GALNT2: variants seen among roughly 807,000 people sequenced by gnomAD.
The protein encoded by GALNT2 is UDP-GalNAc:polypeptide N-acetylgalactosaminyltransferase 2.
A neutral mutation model predicts 81.4 loss-of-function variants in GALNT2; 31 were observed. The ratio of observed to expected loss-of-function variants is 0.38; its 90% CI spans 0.29 to 0.51. The LOEUF is 0.51. Ranked by LOEUF, GALNT2 falls within the 20% of genes least tolerant of loss-of-function variation. The pLI is 0.87. For synonymous variants in GALNT2, 303 were observed against 287.4 expected (o/e 1.05, Z -0.55); for missense variants, 629 against 765.7 (o/e 0.82, Z 2.11).
chr1:230,249,452 G>T (rs914173879), intron 9 of GALNT2, among the ~76,000 whole-genome samples, 181 bp downstream of exon 9: 2 of 152,224 alleles, frequency 1.3e-5, no homozygotes, highest in African/African-American at 4.8e-5. Context: ...AATCCTTGGA[G>T]ATTTCTTTTC....
rs2102782276 is a variant in GALNT2 at position 230,275,159 on chromosome 1, T to C, written c.1560+595T>C. Among the ~76,000 whole-genome samples the C allele has an allele frequency of 6.6e-6, 1 of 151,436 alleles. No individual in the cohort carries two copies. The highest frequency in any genetic ancestry group is 2.1e-4 in the South Asian group (1 of 4,812). On this transcript the variant is annotated intron_variant, in intron 15 of 15. Transcript: ENST00000366672. This position sits in a 1 kb window ranked among gnomAD's most constrained non-coding sequence, Gnocchi z 5.5. ...CACATATACATATATACACACCACA[T>C]ATACATATACCTGCCACATATATAC...
rs1042310980 is a variant in GALNT2, at chr1:230,280,156, C to T, written c.*698C>T. The T allele has an allele frequency of 2.9e-5, 11 of 378,066 alleles. No homozygotes were observed. The highest frequency in any genetic ancestry group is 6.3e-5 in the African/African-American group (3 of 47,730). 23.4% of individuals were successfully genotyped at this position (378,066 alleles called of 1,614,324 possible). ...TCCCCACAAAGCCGTTCGCAGCTTC[C>T]GGGAGAAGGGGCCAGAGCCCGGTGG... On this transcript the variant is annotated 3_prime_UTR_variant, in exon 16 of 16. Coordinates refer to ENST00000366672, the MANE Select transcript of GALNT2 (RefSeq NM_004481.5).
Position 230,279,658 on chromosome 1 carries a change from CT to C in GALNT2, c.*201del. The C allele has an allele frequency of 1.5e-6, 1 of 656,998 alleles. No individual in the cohort carries two copies. Among genetic ancestry groups the C allele is most frequent in the South Asian group, 1.9e-5 (1 of 53,098 alleles). The allele number at this position is 656,998 out of a possible 1,614,324, so 40.7% of individuals were successfully genotyped here. On this transcript the variant is annotated 3_prime_UTR_variant, in exon 16 of 16. Transcript: ENST00000366672. This position sits in a 1 kb window ranked among gnomAD's most constrained non-coding sequence, Gnocchi z 4.6. Reference sequence around the variant, plus strand: ...GCAAGAAGCGAGAACTGCCCTCCCCCTCCTCTCGGTGCAGCCCAGCCGGGCC... The same window carrying C: ...GCAAGAAGCGAGAACTGCCCTCCCCCCCTCTCGGTGCAGCCCAGCCGGGCC...
intron 14 of GALNT2, among the ~76,000 whole-genome samples, chr1:230,272,197 G>A (rs551771030): frequency 5.3e-5 from 8 of 152,306 alleles, no homozygotes; most frequent in African/African-American, 1.9e-4. Flanking sequence ...GGTGACGTGA[G>A]TGCCTGTGGG....
At chr1:230,104,840 T>A (rs914188128) in intron 1 of GALNT2, among the ~76,000 whole-genome samples, 4 of 152,208 alleles carry the variant, frequency 2.6e-5, no homozygotes, top group African/African-American at 9.6e-5. Flanking sequence ...CCTGGGCCCT[T>A]GCCAGGCTGA....
chr1:230,092,226 C>T lies in GALNT2; in HGVS notation c.126+24820C>T, dbSNP rs140714111. Among the ~76,000 whole-genome samples, 17 of 63,464 alleles carry T rather than the reference C, an allele frequency of 2.7e-4. No individual in the cohort carries two copies. In the East Asian group the frequency reaches 7.3e-3, roughly 27 times the overall value. The allele number at this position is 63,464 out of a possible 152,430, so 41.6% of individuals were successfully genotyped here. A position where few individuals can be genotyped will look rare whatever the true frequency, so the allele number is the denominator to read the frequency against. On this transcript the variant is annotated intron_variant, in intron 1 of 15. Coordinates refer to ENST00000366672, the MANE Select transcript of GALNT2 (RefSeq NM_004481.5). ...TGATCTTTCTGATTTTCGTTAGGCT[C>T]GTCTATGTAATTTGAGACATAACTC...
At chr1:230,219,122 G>T (rs1664472339) in intron 3 of GALNT2, among the ~76,000 whole-genome samples, 1 of 152,202 alleles carries the variant, frequency 6.6e-6, no homozygotes, top group Non-Finnish European at 1.5e-5. Context: ...AAAGGTTGGG[G>T]ACCGCTGGCT....
Position 230,102,631 on chromosome 1 carries a change from C to T in GALNT2, c.126+35225C>T, listed in dbSNP as rs752951232. On this transcript the variant is annotated intron_variant, in intron 1 of 15. Transcript: ENST00000366672. ...TGTTCATTGATTTGACATAAAGCTG[C>T]CCAGGCTTATTGTAAAAACACCTCT... Among the ~76,000 whole-genome samples, 26 of 152,054 alleles carry T rather than the reference C, an allele frequency of 1.7e-4. 1 individual carries two copies. The highest frequency in any genetic ancestry group is 3.4e-4 in the Non-Finnish European group (23 of 67,998).
intron 1 of GALNT2, among the ~76,000 whole-genome samples, chr1:230,094,163 A>AT (rs58639878): frequency 0.045 from 5,316 of 119,182 alleles, 287 homozygotes; most frequent in Non-Finnish European, 0.054. Flanking sequence ...ATGCTGGCTA[A>AT]TTTTTTTTTT....
intron 3 of GALNT2, among the ~76,000 whole-genome samples, chr1:230,222,983 A>C (rs903935566): frequency 6.6e-6 from 1 of 152,190 alleles, no homozygotes; most frequent in South Asian, 2.1e-4. Context: ...AGTAACATCT[A>C]TACTCATTTC....
chr1:230,161,638 C>A (rs1662441138), intron 1 of GALNT2, among the ~76,000 whole-genome samples: 1 of 152,058 alleles, frequency 6.6e-6, no homozygotes, highest in Non-Finnish European at 1.5e-5. Context: ...CTTCAAAGTC[C>A]AGCCTGAATT....
Position 230,250,450 on chromosome 1 carries a change from T to G in GALNT2, c.906-7T>G. 1 of 1,611,996 alleles carries G rather than the reference T, an allele frequency of 6.2e-7. No homozygotes were observed. The highest frequency in any genetic ancestry group is 8.5e-7 in the Non-Finnish European group (1 of 1,178,276). ...CTCCCTCCCCCCTCTTCTTTCTGCC[T>G]CTTTAGAACCCCCATGATTGCTGGT... On this transcript the variant is annotated splice_region_variant and splice_polypyrimidine_tract_variant and intron_variant, in intron 9 of 15. Transcript: ENST00000366672.
At chr1:230,116,955 A>G (rs1660866360) in intron 1 of GALNT2, among the ~76,000 whole-genome samples, 1 of 152,260 alleles carries the variant, frequency 6.6e-6, no homozygotes, top group Non-Finnish European at 1.5e-5. Flanking sequence ...TTTGAAGCCA[A>G]GCATTGGCAT....
chr1:230,207,076 A>T (rs980372949), intron 3 of GALNT2, among the ~76,000 whole-genome samples: 7 of 151,632 alleles, frequency 4.6e-5, no homozygotes, highest in Non-Finnish European at 8.8e-5. Flanking sequence ...TCTTCCGAAT[A>T]GTGAGTTATT....
chr1:230,158,137 A>G (rs1205398716), intron 1 of GALNT2, among the ~76,000 whole-genome samples: 1 of 152,070 alleles, frequency 6.6e-6, no homozygotes, highest in Non-Finnish European at 1.5e-5. Flanking sequence ...TTGAAAGGGA[A>G]ATGTTTGCAT....
chr1:230,276,572 T>C (rs1468315547), intron 15 of GALNT2, among the ~76,000 whole-genome samples: 1 of 152,158 alleles, frequency 6.6e-6, no homozygotes, highest in Non-Finnish European at 1.5e-5. Flanking sequence ...CTGACCCCAG[T>C]TGTCAGGGAG....
chr1:230,215,582 T>A (rs1351754200), intron 3 of GALNT2, among the ~76,000 whole-genome samples: 1 of 152,262 alleles, frequency 6.6e-6, no homozygotes, highest in Non-Finnish European at 1.5e-5. Context: ...CACTCTGAAT[T>A]TGGCAGTTTA....
At chr1:230,162,258 G>C (rs1312660511) in intron 1 of GALNT2, among the ~76,000 whole-genome samples, 1 of 152,088 alleles carries the variant, frequency 6.6e-6, no homozygotes, top group Non-Finnish European at 1.5e-5. Flanking sequence ...GGTTCTTCAG[G>C]GTGTTAGGAT....
rs1217787027 is a variant in GALNT2, at chr1:230,275,972, CATATAT to C, written c.1560+1412_1560+1417del. On this transcript the variant is annotated intron_variant, in intron 15 of 15. Coordinates refer to ENST00000366672, the MANE Select transcript of GALNT2 (RefSeq NM_004481.5). This position sits in a 1 kb window ranked among gnomAD's most constrained non-coding sequence, Gnocchi z 5.5. ...TATATATACGTATATATACATGCCA[CATATAT>C]ATACGTATATATACATGCCACATAT... Among the ~76,000 whole-genome samples the C allele has an allele frequency of 1.3e-5, 1 of 77,612 alleles. No individual in the cohort carries two copies. The highest frequency in any genetic ancestry group is 1.1e-4 in the Admixed American group (1 of 9,228). 50.9% of individuals were successfully genotyped at this position (77,612 alleles called of 152,430 possible). A position where few individuals can be genotyped will look rare whatever the true frequency, so the allele number is the denominator to read the frequency against.
Sources: gnomAD v4.1 joint callset for allele counts (sites outside exome capture counted in the v4.1 genomes callset) on GRCh38, gnomAD v4.1.1 for gene constraint, Gnocchi (gnomAD v3.1) non-coding constraint, MANE v1.5 for transcripts, NCBI Gene and HGNC (gene_info 2026-07-23, HGNC 2026-07-21) for gene names.